MUC17: variants seen among roughly 807,000 people sequenced by gnomAD.
MUC17 encodes mucin 17, cell surface associated, also known as mucin-17.
A neutral mutation model predicts 170.3 loss-of-function variants in MUC17; 190 were observed. The ratio of observed to expected loss-of-function variants is 1.12; its 90% CI spans 0.99 to 1.26. The LOEUF (loss-of-function observed/expected upper bound fraction) is 1.26, where lower values mean the gene tolerates loss of function less well. Among genes scored for constraint, MUC17 ranks in the 50% most tolerant of loss-of-function variants. The pLI is 0.00. For missense variants in MUC17, 6,415 were observed against 5,530.0 expected (o/e 1.16, Z -5.08); for synonymous variants, 2,325 against 2,002.5 (o/e 1.16, Z -4.30).
intron 3 of MUC17, 22 bp from the exon 4 acceptor site, chr7:101,047,962 A>G: frequency 1.9e-6 from 3 of 1,553,090 alleles, no homozygotes; most frequent in Non-Finnish European, 2.6e-6. Flanking sequence ...TTGGAAAGAA[A>G]ACTTCTGTGA....
At position 101,041,207 on chromosome 7, in the gene MUC17, C is replaced by G; in HGVS notation, c.9791C>G (p.Pro3264Arg). Residue 3264 changes from proline to arginine, a missense_variant, in exon 3 of 13, where the codon CCC becomes CGC. By Grantham distance (103) the Pro-to-Arg change is moderately radical. Coordinates refer to ENST00000306151, the MANE Select transcript of MUC17 (RefSeq NM_001040105.2). ...TTSTEASSSP[P>R]TAEGTSMPTS... is the part of the protein sequence containing the mutation. ...TCTACTGAAGCCAGTTCATCTCCTC[C>G]CACTGCTGAAGGTACCAGCATGCCA... is the stretch of plus-strand genomic sequence containing the variant. 1 of 1,613,470 alleles carries G rather than the reference C, an allele frequency of 6.2e-7. No individual in the cohort carries two copies. The highest frequency in any genetic ancestry group is 8.5e-7 in the Non-Finnish European group (1 of 1,179,778).
Position 101,036,399 on chromosome 7 carries a change from T to A in MUC17, c.4983T>A (p.Pro1661=), listed in dbSNP as rs765337924. 1.2e-6 allele frequency: 2 copies of A among 1,612,414 alleles called. No homozygotes were observed. Among genetic ancestry groups the A allele is most frequent in the Non-Finnish European group, 1.7e-6 (2 of 1,179,472 alleles). ...CAACTCCTGTTGACTCCAACAGTCC[T>A]GTGATCACTTCTACTGAAGTCAGTT... ...LSTTPVDSNS[P]VITSTEVSSS... Residue 1661 remains proline (P), a synonymous_variant, in exon 3 of 13, where the codon CCT becomes CCA. Coordinates refer to ENST00000306151, the MANE Select transcript of MUC17 (RefSeq NM_001040105.2).
Position 101,042,016 on chromosome 7 carries a change from G to C in MUC17, c.10600G>C (p.Ala3534Pro). The C allele has an allele frequency of 6.2e-7, 1 of 1,613,774 alleles. No homozygotes were observed. Among genetic ancestry groups the C allele is most frequent in the Non-Finnish European group, 8.5e-7 (1 of 1,179,892 alleles). The change falls in exon 3 of 13, where the codon GCT (alanine) becomes CCT (proline). Residue 3534 changes from alanine to proline, a missense_variant. Ala to Pro is a conservative substitution (Grantham distance 27). Transcript: ENST00000306151. ...CACCACACCGGTGGCCAGTTCTGAG[G>C]CTAGCACCCTTTCAACAACTCCTGT... ...VSTTPVASSE[A>P]STLSTTPVDS...
rs758989741 is a variant in MUC17, at chr7:101,036,061, T to G, written c.4645T>G (p.Ser1549Ala). The G allele has an allele frequency of 3.1e-6, 5 of 1,599,574 alleles. No homozygotes were observed. Among genetic ancestry groups the G allele is most frequent in the Admixed American group, 3.4e-5 (2 of 58,862 alleles). ...CACCAGCACACCTGTGACCACTTAT[T>G]CTCAAGCCAGTTCATCTCCTACAAC... The part of the protein sequence containing the change: ...AVTSTPVTTY[S>A]QASSSPTTAD... Residue 1549 changes from serine (S) to alanine (A), a missense_variant, in exon 3 of 13, where the codon TCT becomes GCT. By Grantham distance (99) the Ser-to-Ala change is moderately conservative. Coordinates refer to ENST00000306151, the MANE Select transcript of MUC17 (RefSeq NM_001040105.2).
intron 1 of MUC17, among the ~76,000 whole-genome samples, chr7:101,026,285 G>C (rs1794177624): frequency 6.6e-6 from 1 of 152,234 alleles, no homozygotes; most frequent in South Asian, 2.1e-4. Context: ...GGGGTATGCT[G>C]TTTCCAGGAA....
intron 12 of MUC17, 92 bp downstream of exon 12, chr7:101,056,362 A>G: frequency 6.5e-7 from 1 of 1,542,316 alleles, no homozygotes; most frequent in Non-Finnish European, 8.8e-7. Context: ...AGAAAAACAG[A>G]ACCATGTTTA....
rs140333451 is a variant in MUC17 at position 101,033,432 on chromosome 7, T to G, written c.2016T>G (p.Thr672=). ...TSTEATSSST[T]AEGTSMPTST... ...CTGAAGCCACTTCATCTTCTACAACTGCGGAAGGTACCAGCATGCCAACCT... is the reference window on the plus strand; with the variant it reads ...CTGAAGCCACTTCATCTTCTACAACGGCGGAAGGTACCAGCATGCCAACCT... The change falls in exon 3 of 13, where the codon ACT becomes ACG. Residue 672 remains threonine, a synonymous_variant. Coordinates refer to ENST00000306151, the MANE Select transcript of MUC17 (RefSeq NM_001040105.2). The G allele has an allele frequency of 6.2e-7, 1 of 1,613,154 alleles. No homozygotes were observed. Among genetic ancestry groups the G allele is most frequent in the South Asian group, 1.1e-5 (1 of 90,920 alleles).
rs1166461247 is a variant in MUC17 at position 101,048,830 on chromosome 7, G to A, written c.12536-15G>A. ...AACTCAGAGATGCTTTGCTCAGTAA[G>A]TCTACCCGCCTCAGGGCCACCGGAG... On this transcript the variant is annotated splice_polypyrimidine_tract_variant and intron_variant, in intron 4 of 12. Coordinates refer to ENST00000306151, the MANE Select transcript of MUC17 (RefSeq NM_001040105.2). 5 of 1,613,790 alleles carry A rather than the reference G, an allele frequency of 3.1e-6. No homozygotes were observed. Among genetic ancestry groups the A allele is most frequent in the Non-Finnish European group, 4.2e-6 (5 of 1,179,890 alleles).
At position 101,038,413 on chromosome 7, in the gene MUC17, T is replaced by G; in HGVS notation, c.6997T>G (p.Ser2333Ala). The G allele has an allele frequency of 3.1e-6, 5 of 1,608,486 alleles. No homozygotes were observed. The South Asian group carries it at 4.4e-5, about 14-fold the overall frequency. Residue 2333 changes from serine to alanine, a missense_variant, in exon 3 of 13, where the codon TCT becomes GCT. Physicochemically the swap from Ser to Ala is moderately conservative, Grantham distance 99. Transcript: ENST00000306151. ...AGGTACCAGCATGCCAACCTCAACT[T>G]CTAGTGAAGGAAACACTCCATTAAC... ...AEGTSMPTST[S>A]SEGNTPLTRM...
chr7:101,039,926 C>G lies in MUC17; in HGVS notation c.8510C>G (p.Thr2837Ser), dbSNP rs1470686016. 12 of 1,613,532 alleles carry G rather than the reference C, an allele frequency of 7.4e-6. No individual in the cohort carries two copies. Among genetic ancestry groups the G allele is most frequent in the African/African-American group, 2.7e-5 (2 of 74,856 alleles). The change falls in exon 3 of 13, where the codon ACC becomes AGC. Residue 2837 changes from threonine (T) to serine (S), a missense_variant. Coordinates refer to ENST00000306151, the MANE Select transcript of MUC17 (RefSeq NM_001040105.2). ...AGTLSTTPVD[T>S]STPVTTSTKA... ...ACCCTTTCAACAACTCCTGTTGACA[C>G]CAGCACACCTGTGACCACTTCTACT...
In MUC17 at chr7:101,043,745, C is replaced by A. The variant is rs552620911; in HGVS notation, c.12329C>A (p.Thr4110Asn). 5.6e-6 allele frequency: 9 copies of A among 1,614,198 alleles called. No individual in the cohort carries two copies. The highest frequency in any genetic ancestry group is 7.6e-6 in the Non-Finnish European group (9 of 1,180,036). ...TRTTSFPTVT[T>N]TAVPTNTTIK... ...ACCACTTCCTTCCCCACGGTGACCA[C>A]CACCGCTGTCCCCACGAATACTACA... Residue 4110 changes from threonine (T) to asparagine (N), a missense_variant, in exon 3 of 13, where the codon ACC becomes AAC. Transcript: ENST00000306151.
At position 101,040,600 on chromosome 7, in the gene MUC17, G is replaced by A; in HGVS notation, c.9184G>A (p.Glu3062Lys). Residue 3062 changes from glutamate (E) to lysine (K), a missense_variant, in exon 3 of 13, where the codon GAG becomes AAG. Physicochemically the swap from Glu to Lys is moderately conservative, Grantham distance 56 (BLOSUM62 1). Transcript: ENST00000306151. ...PVSTTPVAIP[E>K]ASTLSTTPVD... ...CAGCACCACGCCAGTGGCCATTCCT[G>A]AGGCTAGCACCCTTTCAACAACTCC... The A allele has an allele frequency of 6.2e-7, 1 of 1,612,738 alleles. No homozygotes were observed. The highest frequency in any genetic ancestry group is 1.1e-5 in the South Asian group (1 of 90,938).
chr7:101,037,128 C>T lies in MUC17; in HGVS notation c.5712C>T (p.Val1904=). 6.2e-7 allele frequency: 1 copy of T among 1,611,924 alleles called. No individual in the cohort carries two copies. Among genetic ancestry groups the T allele is most frequent in the Non-Finnish European group, 8.5e-7 (1 of 1,179,638 alleles). ...CACCTGTGACCACTTATGCTCAAGT[C>T]AGTTCATCTCCTACAACTGCTGACG... ...TSTPVTTYAQ[V]SSSPTTADGS... The change falls in exon 3 of 13, where the codon GTC becomes GTT. Residue 1904 remains valine, a synonymous_variant. Coordinates refer to ENST00000306151, the MANE Select transcript of MUC17 (RefSeq NM_001040105.2).
In MUC17 at chr7:101,038,108, C is replaced by T. The variant is rs768805511; in HGVS notation, c.6692C>T (p.Pro2231Leu). 5.0e-5 allele frequency: 70 copies of T among 1,398,100 alleles called. No individual in the cohort carries two copies. Among genetic ancestry groups the T allele is most frequent in the East Asian group, 6.2e-5 (2 of 32,458 alleles). 86.6% of individuals were successfully genotyped at this position (1,398,100 alleles called of 1,614,324 possible). The change falls in exon 3 of 13, where the codon CCG (proline) becomes CTG (leucine). Residue 2231 changes from proline to leucine, a missense_variant. Coordinates refer to ENST00000306151, the MANE Select transcript of MUC17 (RefSeq NM_001040105.2). ...ACAAGTATGCCTGTCAGCACCATGCCGGTAGTTACTTCTGAGGCTAGCACC... is the reference window on the plus strand; with the variant it reads ...ACAAGTATGCCTGTCAGCACCATGCTGGTAGTTACTTCTGAGGCTAGCACC... ...PFTSMPVSTM[P>L]VVTSEASTLS... is the part of the protein sequence containing the mutation.
Position 101,058,007 on chromosome 7 carries a change from G to A in MUC17, c.13445G>A (p.Arg4482Gln), listed in dbSNP as rs9656065. The A allele has an allele frequency of 1.1e-3, 1,732 of 1,613,700 alleles. 15 individuals carry two copies. The African/African-American group carries it at 0.019, about 17-fold the overall frequency. ...TGGTTTTATCTCTCTTTTCAGATCCGAATTCAGAGGCCTCAGGTAATGACG... is the reference window on the plus strand; with the variant it reads ...TGGTTTTATCTCTCTTTTCAGATCCAAATTCAGAGGCCTCAGGTAATGACG... ...LRHIDPETKIRIQRPQVMTTS... is the reference protein window; with the variant it reads ...LRHIDPETKIQIQRPQVMTTS... Residue 4482 changes from arginine (R) to glutamine (Q), a missense_variant, in exon 13 of 13, where the codon CGA (arginine) becomes CAA (glutamine). By Grantham distance (43) the Arg-to-Gln change is conservative (BLOSUM62 1). Coordinates refer to ENST00000306151, the MANE Select transcript of MUC17 (RefSeq NM_001040105.2).
At position 101,035,459 on chromosome 7, in the gene MUC17, T is replaced by C. The variant is rs4269454; in HGVS notation, c.4043T>C (p.Leu1348Pro). Residue 1348 changes from leucine to proline, a missense_variant, in exon 3 of 13, where the codon CTG becomes CCG. Transcript: ENST00000306151. ...ACAAGTATACCTGTCAACACCACAC[T>C]GGTGGCCAGTTCTGCAATCAGCATC... ...PLTSIPVNTT[L>P]VASSAISILS... is the part of the protein sequence containing the mutation. The C allele has an allele frequency of 0.13, 216,037 of 1,613,020 alleles. 17,753 individuals are homozygous for C. The highest frequency in any genetic ancestry group is 0.32 in the African/African-American group (23,763 of 74,692).
In MUC17 at chr7:101,031,677, C is replaced by A. The variant is rs748372680; in HGVS notation, c.261C>A (p.Thr87=). Residue 87 remains threonine (T), a synonymous_variant, in exon 3 of 13, where the codon ACC becomes ACA. Coordinates refer to ENST00000306151, the MANE Select transcript of MUC17 (RefSeq NM_001040105.2). The part of the protein sequence containing the change: ...VEPRMYLSCS[T]NPEMTSIESS... The stretch of plus-strand genomic sequence containing the variant: ...CAAGAATGTATTTGAGTTGCAGCAC[C>A]AACCCTGAGATGACCTCGATTGAGT... 2 of 1,593,670 alleles carry A rather than the reference C, an allele frequency of 1.3e-6. No individual in the cohort carries two copies. The highest frequency in any genetic ancestry group is 1.7e-6 in the Non-Finnish European group (2 of 1,168,896).
intron 1 of MUC17, 129 bp from the exon 2 acceptor site, chr7:101,030,991 C>T: frequency 8.4e-7 from 1 of 1,184,776 alleles, no homozygotes; most frequent in Non-Finnish European, 1.1e-6. Flanking sequence ...TGGCTGATTT[C>T]TAACTAAAAT....
At position 101,047,365 on chromosome 7, in the gene MUC17, G is replaced by A. The variant is rs115676191; in HGVS notation, c.12404-619G>A. 3.6e-3 allele frequency among the ~76,000 whole-genome samples: 541 copies of A among 152,176 alleles called. 3 individuals carry two copies. Among genetic ancestry groups the A allele is most frequent in the African/African-American group, 0.012 (513 of 41,516 alleles). On this transcript the variant is annotated intron_variant, in intron 3 of 12. Transcript: ENST00000306151. The stretch of plus-strand genomic sequence containing the variant: ...CAATACCAGGTTTCTCTTTCTTCAC[G>A]TTTTTGGGGTAAAGTCAAGCATGCT...
Sources: allele counts gnomAD v4.1 joint callset (sites outside exome capture counted in the v4.1 genomes callset), GRCh38; gene constraint gnomAD v4.1.1; transcripts MANE v1.5; gene names NCBI Gene and HGNC (gene_info 2026-07-23, HGNC 2026-07-21).